The following SOS2 variants were observed in gnomAD, a reference collection of about 807,000 sequenced individuals.
SOS2 encodes the protein SOS Ras/Rho guanine nucleotide exchange factor 2.
SOS2 carries 65 observed loss-of-function variants against 148.2 expected under a neutral mutation model. The ratio of observed to expected loss-of-function variants is 0.44; its 90% CI spans 0.36 to 0.54. The LOEUF is 0.54. SOS2 is among the 20% of genes least tolerant of loss of function. The pLI is 0.00. For missense variants in SOS2, 1,341 were observed against 1,590.2 expected, an observed-to-expected ratio of 0.84 and a Z score of 2.67; for synonymous variants, 539 against 537.1, an observed-to-expected ratio of 1.00 and a Z score of -0.05.
At chr14:50,172,281 T>C (rs1209612982) in intron 8 of SOS2, among the ~76,000 whole-genome samples, 4 of 152,182 alleles carry the variant, frequency 2.6e-5, no homozygotes, top group Non-Finnish European at 4.4e-5. Flanking sequence ...TAATCTCTTC[T>C]AAGGCTTGTC....
intron 21 of SOS2, among the ~76,000 whole-genome samples, chr14:50,122,699 TAA>T (rs1883556351): frequency 2.6e-5 from 4 of 152,230 alleles, no homozygotes; most frequent in Non-Finnish European, 5.9e-5. Context: ...AGGCAATCAA[TAA>T]CCCTTGCTGA....
intron 13 of SOS2, 72 bp from the exon 14 acceptor site, chr14:50,150,302 T>A: frequency 9.5e-7 from 1 of 1,052,796 alleles, no homozygotes; most frequent in Non-Finnish European, 1.5e-6. Context: ...ATTTAATCCT[T>A]AACTTTCACC....
In SOS2 at chr14:50,193,752, A is replaced by AT. The variant is rs35785466; in HGVS notation, c.511-5053dup. ...TAGACCCACATATCAAGTCATCGGG[A>AT]TTTTTTTTTTTTTTGAGACATAGTT... is the stretch of plus-strand genomic sequence containing the variant. On this transcript the variant is annotated intron_variant, in intron 4 of 22. Transcript: ENST00000216373. Among the ~76,000 whole-genome samples, 1,007 of 143,800 alleles carry AT rather than the reference A, an allele frequency of 7.0e-3. 4 individuals are homozygous for AT. The highest frequency in any genetic ancestry group is 0.015 in the African/African-American group (605 of 39,518). 94.3% of individuals were successfully genotyped at this position (143,800 alleles called of 152,430 possible).
intron 1 of SOS2, among the ~76,000 whole-genome samples, chr14:50,208,067 G>C (rs191116683): frequency 6.6e-6 from 1 of 152,024 alleles, no homozygotes; most frequent in African/African-American, 2.4e-5. Context: ...AGGCCGAGGC[G>C]GGTGGATCAC....
chr14:50,162,112 GA>G (rs965777010), intron 8 of SOS2, among the ~76,000 whole-genome samples: 39 of 141,524 alleles, frequency 2.8e-4, no homozygotes, highest in South Asian at 7.3e-4. Context: ...TAGTAATCAG[GA>G]AAAAAAAAAG....
chr14:50,177,157 A>G (rs972908627), intron 7 of SOS2, among the ~76,000 whole-genome samples: 2 of 151,932 alleles, frequency 1.3e-5, no homozygotes, highest in East Asian at 1.9e-4. Context: ...GTCTCTACCA[A>G]AAAAATACCA....
At chr14:50,122,909 C>G (rs1883564966) in intron 21 of SOS2, among the ~76,000 whole-genome samples, 3 of 152,176 alleles carry the variant, frequency 2.0e-5, no homozygotes, top group Admixed American at 2.0e-4. Context: ...AGTTATTGGG[C>G]ACCTGCTAAT....
chr14:50,191,995 T>G (rs925853449), intron 4 of SOS2, among the ~76,000 whole-genome samples: 3 of 150,758 alleles, frequency 2.0e-5, no homozygotes, highest in African/African-American at 7.3e-5. Flanking sequence ...TACAAAAAAA[T>G]TTTAAACACA....
In SOS2 at chr14:50,231,136, C is replaced by T. The variant is rs1039242718; in HGVS notation, c.87+61G>A. On this transcript the variant is annotated intron_variant, in intron 1 of 22. Transcript: ENST00000216373. ...AGCCCTGTGGGAGGGACGACCTGCT[C>T]CCCGTTAGAAGCTCGGGGGGCCACG... is the stretch of plus-strand genomic sequence containing the variant. The T allele has an allele frequency of 4.6e-5, 49 of 1,066,512 alleles. 1 individual carries two copies. The highest frequency in any genetic ancestry group is 4.4e-4 in the Middle Eastern group (2 of 4,584). The allele number at this position is 1,066,512 out of a possible 1,614,324, so 66.1% of individuals were successfully genotyped here. A position where few individuals can be genotyped will look rare whatever the true frequency, so the allele number is the denominator to read the frequency against.
chr14:50,139,261 A>G (rs1342403064), intron 17 of SOS2, among the ~76,000 whole-genome samples: 1 of 149,286 alleles, frequency 6.7e-6, no homozygotes, highest in Non-Finnish European at 1.5e-5. Context: ...AAAAATAATT[A>G]CTTCTCATTC....
intron 1 of SOS2, among the ~76,000 whole-genome samples, chr14:50,208,720 T>C (rs1595025195): frequency 6.6e-6 from 1 of 152,216 alleles, no homozygotes; most frequent in East Asian, 1.9e-4. Context: ...CACTGACAGC[T>C]TTCCTTTGGA....
intron 5 of SOS2, 87 bp from the exon 6 acceptor site, chr14:50,182,693 C>T (rs1204934809): frequency 1.6e-5 from 16 of 1,024,622 alleles, no homozygotes; most frequent in South Asian, 3.0e-5. Flanking sequence ...ATAGGCTACT[C>T]GAGGCAGACT....
intron 1 of SOS2, among the ~76,000 whole-genome samples, chr14:50,208,812 A>G (rs891340780): frequency 6.6e-6 from 1 of 152,230 alleles, no homozygotes; most frequent in Non-Finnish European, 1.5e-5. Context: ...TAAACCAAGA[A>G]AAAGAAAATT....
chr14:50,205,698 G>A (rs1418286473), intron 1 of SOS2, among the ~76,000 whole-genome samples: 8 of 152,218 alleles, frequency 5.3e-5, no homozygotes, highest in East Asian at 1.9e-4. Flanking sequence ...TTGGGAGGCC[G>A]AGGTGGGTGG....
At chr14:50,154,383 C>T (rs1884751437) in intron 12 of SOS2, among the ~76,000 whole-genome samples, 1 of 152,174 alleles carries the variant, frequency 6.6e-6, no homozygotes. Flanking sequence ...TATGAAGCAA[C>T]TTGAACATTG....
intron 7 of SOS2, among the ~76,000 whole-genome samples, chr14:50,180,240 G>A (rs563096846): frequency 1.3e-5 from 2 of 150,114 alleles, no homozygotes; most frequent in Non-Finnish European, 3.0e-5. Flanking sequence ...CTGACCTCAA[G>A]TGATCCACCT....
chr14:50,210,690 A>G (rs961313685), intron 1 of SOS2, among the ~76,000 whole-genome samples: 6 of 91,886 alleles, frequency 6.5e-5, no homozygotes, highest in Non-Finnish European at 1.1e-4. Context: ...ATTCAGTAAG[A>G]AAAAAAATGA....
rs1886593535 is a variant in SOS2 at position 50,204,267 on chromosome 14, GAC to G, written c.213+15_213+16del. The G allele has an allele frequency of 6.5e-7, 1 of 1,538,016 alleles. No individual in the cohort carries two copies. The highest frequency in any genetic ancestry group is 1.2e-5 in the South Asian group (1 of 80,138). ...CAGTGGTTGAGTGACTTTTTGAAAT[GAC>G]AAAATAATTTTTACCTCTACATCTT... On this transcript the variant is annotated intron_variant, in intron 2 of 22. Transcript: ENST00000216373.
chr14:50,150,959 G>A lies in SOS2; in HGVS notation c.2162-729C>T, dbSNP rs1220482037. 4.6e-5 allele frequency among the ~76,000 whole-genome samples: 7 copies of A among 151,982 alleles called. No individual in the cohort carries two copies. In the East Asian group the frequency reaches 5.8e-4, roughly 13 times the overall value. On this transcript the variant is annotated intron_variant, in intron 13 of 22. Coordinates refer to ENST00000216373, the MANE Select transcript of SOS2 (RefSeq NM_006939.4). ...AGGCTGGTCTCGAACTCCTGACCTC[G>A]TGATCTGCCTGCCTTGGCCTCTCAA...
Sources: allele counts gnomAD v4.1 joint callset (sites outside exome capture counted in the v4.1 genomes callset), GRCh38; gene constraint gnomAD v4.1.1; transcripts MANE v1.5; gene names NCBI Gene and HGNC (gene_info 2026-07-23, HGNC 2026-07-21).